Variants in ADAM22 observed in about 807,000 individuals in gnomAD.
ADAM22 encodes disintegrin and metalloproteinase domain-containing protein 22.
In ADAM22, 65 loss-of-function variants were observed where a neutral mutation model predicts 144.6. That is an observed-to-expected ratio of 0.45 (90% CI 0.37 to 0.55). The LOEUF (loss-of-function observed/expected upper bound fraction) is 0.55. Ranked by LOEUF, ADAM22 falls within the 20% of genes least tolerant of loss-of-function variation. ADAM22 has a pLI of 0.00. For missense variants in ADAM22, 974 were observed against 1,184.9 expected (o/e 0.82, Z 2.61); for synonymous variants, 391 against 412.6 (o/e 0.95, Z 0.63).
chr7:88,067,829 A>G (rs1347509192), intron 3 of ADAM22, among the ~76,000 whole-genome samples: 1 of 152,154 alleles, frequency 6.6e-6, no homozygotes, highest in East Asian at 1.9e-4. Context: ...GAAGTAACAA[A>G]AATAGCCTCA....
Position 88,163,005 on chromosome 7 carries a change from T to G in ADAM22, c.1908-7T>G, listed in dbSNP as rs745800433. ...AGATTCATTTTTTGCTCTCAATTTGTTTTTAGTGGTGGGCATGTTAAGCTT... is the reference window on the plus strand; with the variant it reads ...AGATTCATTTTTTGCTCTCAATTTGGTTTTAGTGGTGGGCATGTTAAGCTT... On this transcript the variant is annotated splice_region_variant and splice_polypyrimidine_tract_variant and intron_variant, in intron 22 of 31. Coordinates refer to ENST00000413139, the MANE Select transcript of ADAM22 (RefSeq NM_001324418.2). 18 of 1,603,864 alleles carry G rather than the reference T, an allele frequency of 1.1e-5. No individual in the cohort carries two copies. Among genetic ancestry groups the G allele is most frequent in the Non-Finnish European group, 1.4e-5 (17 of 1,176,792 alleles).
intron 2 of ADAM22, among the ~76,000 whole-genome samples, chr7:87,965,493 C>T (rs913045306): frequency 6.6e-6 from 1 of 152,102 alleles, no homozygotes; most frequent in East Asian, 1.9e-4. Context: ...ATTCCTTAGT[C>T]CTAGGAGAAA....
At chr7:88,097,151 C>CT (rs1169759079) in intron 4 of ADAM22, among the ~76,000 whole-genome samples, 3,581 of 129,186 alleles carry the variant, frequency 0.028, 72 homozygotes, top group Non-Finnish European at 0.033. Context: ...TTTTTCTTTT[C>CT]TTTTTTTTTT....
intron 14 of ADAM22, among the ~76,000 whole-genome samples, chr7:88,139,880 G>A (rs1256011634): frequency 1.3e-5 from 2 of 152,112 alleles, no homozygotes; most frequent in African/African-American, 4.8e-5. Flanking sequence ...GTCATTCAGT[G>A]TATATTAGTT....
At chr7:87,999,109 T>G (rs928406267) in intron 3 of ADAM22, among the ~76,000 whole-genome samples, 1 of 152,222 alleles carries the variant, frequency 6.6e-6, no homozygotes, top group Non-Finnish European at 1.5e-5. Context: ...TTTAAAATAC[T>G]GTGAAGTGGT....
chr7:88,083,606 TG>T (rs1817574288), intron 4 of ADAM22, among the ~76,000 whole-genome samples: 1 of 150,816 alleles, frequency 6.6e-6, no homozygotes, highest in Non-Finnish European at 1.5e-5. Context: ...TGTGTGTGTG[TG>T]TGTGTGTGTG....
At chr7:88,183,812 A>G (rs1193599147) in intron 29 of ADAM22, among the ~76,000 whole-genome samples, 2 of 145,726 alleles carry the variant, frequency 1.4e-5, no homozygotes, top group Non-Finnish European at 3.0e-5. Context: ...CTGTCTCTCT[A>G]TATATACACA....
chr7:88,060,603 T>G (rs1809523898), intron 3 of ADAM22, among the ~76,000 whole-genome samples: 1 of 151,154 alleles, frequency 6.6e-6, no homozygotes, highest in African/African-American at 2.4e-5. Context: ...CCGTCTCTAC[T>G]AAAAATAAAA....
chr7:88,043,973 A>G (rs1438692367), intron 3 of ADAM22, among the ~76,000 whole-genome samples: 2 of 152,218 alleles, frequency 1.3e-5, no homozygotes, highest in Non-Finnish European at 2.9e-5. Context: ...CTGTTTTTAT[A>G]AATGTGTGTT....
At chr7:88,014,631 T>G (rs886403023) in intron 3 of ADAM22, among the ~76,000 whole-genome samples, 9 of 152,132 alleles carry the variant, frequency 5.9e-5, no homozygotes, top group Admixed American at 4.6e-4. Context: ...TAATCCCAGC[T>G]ACTCAGGAGG....
chr7:87,957,411 G>T lies in ADAM22; in HGVS notation c.247-20925G>T, dbSNP rs545012718. Among the ~76,000 whole-genome samples, 15 of 152,204 alleles carry T rather than the reference G, an allele frequency of 9.9e-5. No individual in the cohort carries two copies. The South Asian group carries it at 3.1e-3, about 32-fold the overall frequency. Reference sequence around the variant, plus strand: ...ATAGAATAATGTAATGGACACCCTTGTACATACCACCCAGAATGAACAAAA... The same window carrying T: ...ATAGAATAATGTAATGGACACCCTTTTACATACCACCCAGAATGAACAAAA... On this transcript the variant is annotated intron_variant, in intron 2 of 31. Transcript: ENST00000413139.
At chr7:88,132,148 T>C (rs1831968660) in intron 11 of ADAM22, 1 of 148,872 alleles carries the variant, frequency 6.7e-6, no homozygotes, top group Admixed American at 6.7e-5. Context: ...TTTTTTTTTG[T>C]TTTTTTTTGT....
intron 3 of ADAM22, among the ~76,000 whole-genome samples, chr7:88,039,637 C>G (rs1159583690): frequency 6.7e-6 from 1 of 148,582 alleles, no homozygotes. Context: ...GTCTGTGTGT[C>G]TGTGTGTCTG....
At chr7:88,083,057 T>C (rs964335037) in intron 4 of ADAM22, among the ~76,000 whole-genome samples, 2 of 152,212 alleles carry the variant, frequency 1.3e-5, no homozygotes, top group Non-Finnish European at 2.9e-5. Flanking sequence ...ATTGTGGCAC[T>C]ATTCACAATA....
At chr7:87,940,272 A>G (rs1427835501) in intron 2 of ADAM22, among the ~76,000 whole-genome samples, 2 of 152,108 alleles carry the variant, frequency 1.3e-5, no homozygotes, top group African/African-American at 4.8e-5. Context: ...GTATGCATCA[A>G]AACATCACTA....
At chr7:88,046,547 T>A (rs1357284918) in intron 3 of ADAM22, among the ~76,000 whole-genome samples, 2 of 152,246 alleles carry the variant, frequency 1.3e-5, no homozygotes, top group Non-Finnish European at 2.9e-5. Flanking sequence ...TGATTGTTCC[T>A]GTGCAGAAGC....
chr7:88,137,393 C>A (rs1383736064), intron 14 of ADAM22, among the ~76,000 whole-genome samples: 1 of 152,170 alleles, frequency 6.6e-6, no homozygotes, highest in Non-Finnish European at 1.5e-5. Flanking sequence ...TTTTCCCCTA[C>A]TATTCATGAT....
In ADAM22 at chr7:87,951,122, G is replaced by A. The variant is rs1845009506; in HGVS notation, c.246+15936G>A. On this transcript the variant is annotated intron_variant, in intron 2 of 31. Coordinates refer to ENST00000413139, the MANE Select transcript of ADAM22 (RefSeq NM_001324418.2). ...CACTCTGATGGTAGTTTCTTTTGCT[G>A]TGCAGAAGTTCTTTAGTTTAATTAG... Among the ~76,000 whole-genome samples the A allele has an allele frequency of 2.0e-5, 3 of 151,970 alleles. No homozygotes were observed. In the South Asian group the frequency reaches 6.2e-4, roughly 31 times the overall value.
intron 3 of ADAM22, among the ~76,000 whole-genome samples, chr7:88,059,585 A>T (rs138626279): frequency 1.3e-5 from 2 of 152,186 alleles, no homozygotes; most frequent in South Asian, 4.1e-4. Flanking sequence ...ATGAAGCACT[A>T]CTCATAATAG....
Sources: allele counts gnomAD v4.1 joint callset (sites outside exome capture counted in the v4.1 genomes callset), GRCh38; gene constraint gnomAD v4.1.1; transcripts MANE v1.5; gene names NCBI Gene and HGNC (gene_info 2026-07-23, HGNC 2026-07-21).